The following ST8SIA4 variants were observed in gnomAD, a reference collection of about 807,000 sequenced individuals.
The protein encoded by ST8SIA4 is ST8 alpha-N-acetyl-neuraminide alpha-2,8-sialyltransferase 4, also known as CMP-N-acetylneuraminate-poly-alpha-2,8-sialyltransferase.
ST8SIA4 carries 15 observed loss-of-function variants against 33.9 expected under a neutral mutation model. The ratio of observed to expected loss-of-function variants is 0.44; its 90% CI spans 0.30 to 0.68. The LOEUF (loss-of-function observed/expected upper bound fraction) is 0.68. Ranked by LOEUF, ST8SIA4 falls within the 30% of genes least tolerant of loss-of-function variation. The pLI, the probability that ST8SIA4 is intolerant of heterozygous loss-of-function variation, is 0.10. For missense variants in ST8SIA4, 321 were observed against 428.0 expected (o/e 0.75, Z 2.21); for synonymous variants, 171 against 151.2 (o/e 1.13, Z -0.96).
intron 1 of ST8SIA4, among the ~76,000 whole-genome samples, chr5:100,902,298 A>C (rs1186377296): frequency 6.6e-6 from 1 of 152,228 alleles, no homozygotes; most frequent in African/African-American, 2.4e-5. Context: ...AGAACAAATA[A>C]GGAAGTATCC....
At chr5:100,827,189 C>T (rs1751166037) in intron 4 of ST8SIA4, among the ~76,000 whole-genome samples, 1 of 152,076 alleles carries the variant, frequency 6.6e-6, no homozygotes, top group South Asian at 2.1e-4. Flanking sequence ...ATACATTTGT[C>T]AGAGTGTTGA....
intron 2 of ST8SIA4, among the ~76,000 whole-genome samples, chr5:100,891,281 A>C (rs1277186704): frequency 7.7e-6 from 1 of 130,086 alleles, no homozygotes; most frequent in African/African-American, 3.5e-5. Context: ...CACTGACTAC[A>C]AAAAAAAATC....
At chr5:100,858,170 C>T (rs1751858236) in intron 3 of ST8SIA4, among the ~76,000 whole-genome samples, 1 of 152,030 alleles carries the variant, frequency 6.6e-6, no homozygotes, top group African/African-American at 2.4e-5. Context: ...GTAATCTAAA[C>T]TCCTAATGAA....
At chr5:100,872,669 G>T (rs950624990) in intron 3 of ST8SIA4, among the ~76,000 whole-genome samples, 2 of 151,942 alleles carry the variant, frequency 1.3e-5, no homozygotes, top group Non-Finnish European at 1.5e-5. Flanking sequence ...CTGTGAAGAG[G>T]TGCTTTCCAC....
intron 4 of ST8SIA4, among the ~76,000 whole-genome samples, chr5:100,851,162 T>G (rs1751690289): frequency 6.6e-6 from 1 of 151,826 alleles, no homozygotes; most frequent in Non-Finnish European, 1.5e-5. Context: ...GGTTTCCCCA[T>G]GTTGGCCAGG....
At chr5:100,849,765 A>T (rs986475730) in intron 4 of ST8SIA4, among the ~76,000 whole-genome samples, 1 of 152,228 alleles carries the variant, frequency 6.6e-6, no homozygotes, top group Non-Finnish European at 1.5e-5. Context: ...ACCGCACTCC[A>T]GCCTGTGCGT....
intron 4 of ST8SIA4, chr5:100,849,316 G>C: frequency 1.0e-6 from 1 of 985,358 alleles, no homozygotes; most frequent in Non-Finnish European, 1.2e-6. Context: ...AAACAGTCTT[G>C]TCTAAAGTCA....
In ST8SIA4 at chr5:100,895,680, G is replaced by T. The variant is rs895720299; in HGVS notation, c.219C>A (p.Ile73=). The change falls in exon 2 of 5, where the codon ATC becomes ATA. Residue 73 remains isoleucine, a synonymous_variant. Coordinates refer to ENST00000231461, the MANE Select transcript of ST8SIA4 (RefSeq NM_005668.6). The part of the protein sequence containing the change: ...IFQHNVEGWK[I]NSSLVLEIRK... Reference sequence around the variant, plus strand: ...TTATCTCTAGGACCAAAGAGGAATTGATTTTCCAACCTTCTACATTGTGCT... The same window carrying T: ...TTATCTCTAGGACCAAAGAGGAATTTATTTTCCAACCTTCTACATTGTGCT... 6.2e-7 allele frequency: 1 copy of T among 1,611,208 alleles called. No individual in the cohort carries two copies. Among genetic ancestry groups the T allele is most frequent in the Non-Finnish European group, 8.5e-7 (1 of 1,178,378 alleles).
intron 4 of ST8SIA4, among the ~76,000 whole-genome samples, chr5:100,852,589 G>T (rs905625075): frequency 1.9e-4 from 29 of 151,926 alleles, no homozygotes; most frequent in African/African-American, 5.3e-4. Flanking sequence ...TATCTGATTT[G>T]TCCCCATTAG....
At position 100,878,274 on chromosome 5, in the gene ST8SIA4, T is replaced by C. The variant is rs139828119; in HGVS notation, c.503+8069A>G. 2.0e-4 allele frequency among the ~76,000 whole-genome samples: 31 copies of C among 152,082 alleles called. No homozygotes were observed. The East Asian group carries it at 4.8e-3, about 24-fold the overall frequency. On this transcript the variant is annotated intron_variant, in intron 3 of 4. Coordinates refer to ENST00000231461, the MANE Select transcript of ST8SIA4 (RefSeq NM_005668.6). ...ATCACTGCAACCTCGGCCTCCCAGG[T>C]TCAAGAGATTCTCCTGCCTCAGCTT... is the stretch of plus-strand genomic sequence containing the variant.
rs555568160 is a variant in ST8SIA4 at position 100,867,687 on chromosome 5, T to G, written c.504-11291A>C. 5.3e-5 allele frequency among the ~76,000 whole-genome samples: 8 copies of G among 152,126 alleles called. No individual in the cohort carries two copies. In the South Asian group the frequency reaches 1.7e-3, roughly 31 times the overall value. On this transcript the variant is annotated intron_variant, in intron 3 of 4. Transcript: ENST00000231461. ...TCTTGCTTAAATAAACAAAAAAACT[T>G]AATACCATATTCACTTGTCATTCTT...
Position 100,811,325 on chromosome 5 carries a change from A to AG in ST8SIA4, c.*521_*522insC, listed in dbSNP as rs1279167111. 1.3e-5 allele frequency: 2 copies of AG among 152,474 alleles called. No individual in the cohort carries two copies. The highest frequency in any genetic ancestry group is 2.9e-5 in the Non-Finnish European group (2 of 68,116). The allele number at this position is 152,474 out of a possible 1,614,324, so 9.4% of individuals were successfully genotyped here. A position where few individuals can be genotyped will look rare whatever the true frequency, so the allele number is the denominator to read the frequency against. ...CAAAAGAGATTCCAGAAGACAAAAA[A>AG]AAAACATAAATTAAAACATAAAATT... On this transcript the variant is annotated 3_prime_UTR_variant, in exon 5 of 5. Coordinates refer to ENST00000231461, the MANE Select transcript of ST8SIA4 (RefSeq NM_005668.6).
chr5:100,873,540 A>G (rs1390703199), intron 3 of ST8SIA4, among the ~76,000 whole-genome samples: 2 of 152,184 alleles, frequency 1.3e-5, no homozygotes, highest in African/African-American at 4.8e-5. Flanking sequence ...TTAGGTGCCA[A>G]TTGTAATTGT....
chr5:100,823,024 G>C (rs1004957017), intron 4 of ST8SIA4, among the ~76,000 whole-genome samples: 1 of 152,070 alleles, frequency 6.6e-6, no homozygotes, highest in South Asian at 2.1e-4. Context: ...CCAGCTACTC[G>C]GGGGGCTGAG....
At chr5:100,819,039 CTCA>C (rs1750986872) in intron 4 of ST8SIA4, among the ~76,000 whole-genome samples, 1 of 152,170 alleles carries the variant, frequency 6.6e-6, no homozygotes, top group Admixed American at 6.5e-5. Flanking sequence ...ATACGTAACT[CTCA>C]TTATTGTGAT....
At chr5:100,833,063 C>T (rs977263394) in intron 4 of ST8SIA4, among the ~76,000 whole-genome samples, 2 of 152,120 alleles carry the variant, frequency 1.3e-5, no homozygotes, top group African/African-American at 4.8e-5. Context: ...GTCAGGCAAA[C>T]TCTGTACCCT....
chr5:100,807,737 A>G lies in ST8SIA4; in HGVS notation c.*4110T>C, dbSNP rs1368034019. The G allele has an allele frequency of 6.6e-6, 1 of 152,576 alleles. No individual in the cohort carries two copies. Among genetic ancestry groups the G allele is most frequent in the Non-Finnish European group, 1.5e-5 (1 of 67,962 alleles). 9.5% of individuals were successfully genotyped at this position (152,576 alleles called of 1,614,324 possible). On this transcript the variant is annotated 3_prime_UTR_variant, in exon 5 of 5. Transcript: ENST00000231461. ...CTTACTTATCTCCAGGGGAGTTCAC[A>G]GTGCAGACCCTGAAGATGTTAGCAT...
At chr5:100,846,322 A>C (rs555142627) in intron 4 of ST8SIA4, among the ~76,000 whole-genome samples, 2 of 152,052 alleles carry the variant, frequency 1.3e-5, no homozygotes, top group African/African-American at 4.8e-5. Flanking sequence ...CTTCAGCACA[A>C]CTTTGCCCAT....
At chr5:100,843,608 T>TA (rs1267793795) in intron 4 of ST8SIA4, among the ~76,000 whole-genome samples, 5 of 151,744 alleles carry the variant, frequency 3.3e-5, no homozygotes, top group African/African-American at 1.2e-4. Context: ...CATGTAAAAA[T>TA]AAAAAAAGCA....
Sources: gnomAD v4.1 joint callset for allele counts (sites outside exome capture counted in the v4.1 genomes callset) on GRCh38, gnomAD v4.1.1 for gene constraint, MANE v1.5 for transcripts, NCBI Gene and HGNC (gene_info 2026-07-23, HGNC 2026-07-21) for gene names.